Variants in HECW2 observed in about 807,000 individuals in gnomAD.
HECW2 encodes E3 ubiquitin-protein ligase HECW2.
Under a neutral mutation model 175.2 loss-of-function variants are expected in HECW2, and 61 were observed. That is an observed-to-expected ratio of 0.35 (90% CI 0.28 to 0.43). The LOEUF is 0.43. Among genes scored for constraint, HECW2 ranks in the 20% least tolerant of loss-of-function variants. HECW2 has a pLI of 1.00. For synonymous variants in HECW2, 671 were observed against 731.0 expected (o/e 0.92, Z 1.32); for missense variants, 1,524 against 2,000.5 (o/e 0.76, Z 4.54).
chr2:196,519,364 C>T (rs11900694), intron 1 of HECW2, among the ~76,000 whole-genome samples: 52,672 of 152,014 alleles, frequency 0.35, 12,539 homozygotes, highest in African/African-American at 0.68. Flanking sequence ...CAACAAACTG[C>T]ACCAAAAATA....
intron 13 of HECW2, among the ~76,000 whole-genome samples, chr2:196,300,513 T>C (rs1404472021): frequency 6.6e-6 from 1 of 152,234 alleles, no homozygotes; most frequent in Non-Finnish European, 1.5e-5. Context: ...CCTTTTACAC[T>C]GTTGTCTTTA....
intron 2 of HECW2, among the ~76,000 whole-genome samples, chr2:196,393,902 C>T (rs1284251374): frequency 6.6e-6 from 1 of 152,110 alleles, no homozygotes; most frequent in Non-Finnish European, 1.5e-5. Flanking sequence ...TGGAACCAAC[C>T]CAAATGTCCA....
At chr2:196,250,162 T>C (rs1042858253) in intron 19 of HECW2, among the ~76,000 whole-genome samples, 3 of 152,242 alleles carry the variant, frequency 2.0e-5, no homozygotes, top group Non-Finnish European at 4.4e-5. Context: ...CAGCCTTGAC[T>C]GGCACGAGCA....
At chr2:196,589,564 C>T (rs373681094) in intron 1 of HECW2, among the ~76,000 whole-genome samples, 1 of 152,162 alleles carries the variant, frequency 6.6e-6, no homozygotes, top group East Asian at 1.9e-4. Flanking sequence ...ACACTGGAGA[C>T]ACAAGGGAGT....
At chr2:196,206,716 T>C (rs1261880273) in intron 28 of HECW2, among the ~76,000 whole-genome samples, 1 of 152,172 alleles carries the variant, frequency 6.6e-6, no homozygotes, top group East Asian at 1.9e-4. Flanking sequence ...CTCTAAAGTT[T>C]GTGTATCCTG....
In HECW2 at chr2:196,270,973, C is replaced by T. The variant is rs192321691; in HGVS notation, c.3335+220G>A. Among the ~76,000 whole-genome samples the T allele has an allele frequency of 3.3e-5, 5 of 152,212 alleles. No homozygotes were observed. The South Asian group carries it at 6.2e-4, about 19-fold the overall frequency. The stretch of plus-strand genomic sequence containing the variant: ...CCTCCCCAAGTGCTGAGATTACAGG[C>T]GTGAGTCGCCGTGCCCGGCCGATTT... On this transcript the variant is annotated intron_variant, in intron 17 of 28. Coordinates refer to ENST00000644978, the MANE Select transcript of HECW2 (RefSeq NM_001348768.2).
chr2:196,213,742 A>G (rs748388356), intron 28 of HECW2, among the ~76,000 whole-genome samples: 15 of 152,218 alleles, frequency 9.9e-5, no homozygotes, highest in Admixed American at 2.0e-4. Flanking sequence ...CACCATTTAC[A>G]ATGAGTTAGC....
intron 3 of HECW2, among the ~76,000 whole-genome samples, chr2:196,337,568 T>A (rs200989644): frequency 2.7e-5 from 1 of 36,858 alleles, no homozygotes; most frequent in African/African-American, 3.9e-5. Flanking sequence ...GGGAAAAAAA[T>A]AAAAAAATAT....
chr2:196,504,620 C>G (rs1439525554), intron 1 of HECW2, among the ~76,000 whole-genome samples: 1 of 152,162 alleles, frequency 6.6e-6, no homozygotes, highest in Non-Finnish European at 1.5e-5. Flanking sequence ...GTTCAGCAAG[C>G]CTCTACACCA....
intron 1 of HECW2, among the ~76,000 whole-genome samples, chr2:196,501,368 C>T (rs1687572746): frequency 6.6e-6 from 1 of 152,142 alleles, no homozygotes; most frequent in Non-Finnish European, 1.5e-5. Context: ...ACTGCAACCT[C>T]CCACGCCCAG....
At chr2:196,267,225 T>G (rs1457815161) in intron 17 of HECW2, among the ~76,000 whole-genome samples, 1 of 152,210 alleles carries the variant, frequency 6.6e-6, no homozygotes, top group Non-Finnish European at 1.5e-5. Flanking sequence ...GTTCATGGCC[T>G]TTCTCATTAC....
chr2:196,469,409 C>T (rs960930219), intron 1 of HECW2, among the ~76,000 whole-genome samples: 2 of 151,990 alleles, frequency 1.3e-5, no homozygotes, highest in Non-Finnish European at 2.9e-5. Flanking sequence ...GAGGGAAATG[C>T]AACTGGGGAG....
intron 1 of HECW2, among the ~76,000 whole-genome samples, chr2:196,465,471 AT>A (rs917448416): frequency 6.6e-6 from 1 of 152,084 alleles, no homozygotes; most frequent in Non-Finnish European, 1.5e-5. Flanking sequence ...GGAATCATGG[AT>A]TTAAAAATAA....
chr2:196,386,036 C>T (rs1694337772), intron 2 of HECW2, among the ~76,000 whole-genome samples: 1 of 152,260 alleles, frequency 6.6e-6, no homozygotes, highest in South Asian at 2.1e-4. Flanking sequence ...GAAACTTAGG[C>T]TATAACTTCA....
chr2:196,446,498 T>G (rs555764196), intron 1 of HECW2, among the ~76,000 whole-genome samples: 2 of 152,358 alleles, frequency 1.3e-5, no homozygotes, highest in East Asian at 3.9e-4. Flanking sequence ...ACCTCTAAGT[T>G]GGCAGCTGGA....
chr2:196,310,468 A>C (rs928847996), intron 10 of HECW2, among the ~76,000 whole-genome samples: 1 of 152,228 alleles, frequency 6.6e-6, no homozygotes, highest in African/African-American at 2.4e-5. Flanking sequence ...CATTCTACCC[A>C]GGCAAAGGCA....
chr2:196,320,448 A>G lies in HECW2; in HGVS notation c.885-9T>C, dbSNP rs767096483. 1 of 1,589,316 alleles carries G rather than the reference A, an allele frequency of 6.3e-7. No homozygotes were observed. The highest frequency in any genetic ancestry group is 8.6e-7 in the Non-Finnish European group (1 of 1,158,636). On this transcript the variant is annotated splice_polypyrimidine_tract_variant and intron_variant, in intron 7 of 28. Transcript: ENST00000644978. ...AGCTGAGCATTTGATCACTGCAAGA[A>G]GAGAAATGCTTCTTTCATCCTGACT...
chr2:196,569,162 C>A (rs1406977321), intron 1 of HECW2, among the ~76,000 whole-genome samples: 2 of 152,142 alleles, frequency 1.3e-5, no homozygotes, highest in Admixed American at 1.3e-4. Flanking sequence ...CATAGTGAGA[C>A]CCCATCTCTC....
chr2:196,407,463 A>G (rs1159248340), intron 2 of HECW2, among the ~76,000 whole-genome samples: 1 of 152,108 alleles, frequency 6.6e-6, no homozygotes, highest in Admixed American at 6.6e-5. Flanking sequence ...CAGCCTCCCA[A>G]CGGGCTGGGA....
Sources: gnomAD v4.1 joint callset for allele counts (sites outside exome capture counted in the v4.1 genomes callset) on GRCh38, gnomAD v4.1.1 for gene constraint, MANE v1.5 for transcripts, NCBI Gene and HGNC (gene_info 2026-07-23, HGNC 2026-07-21) for gene names.